Variants in PEX5L observed in about 807,000 individuals in gnomAD.
PEX5L encodes the protein PEX5-related protein.
A neutral mutation model predicts 84.0 loss-of-function variants in PEX5L; 30 were observed. That is an observed-to-expected ratio of 0.36 (90% CI 0.27 to 0.48). PEX5L has a LOEUF of 0.48. PEX5L is among the 20% of genes least tolerant of loss of function. PEX5L has a pLI of 0.99. For missense variants in PEX5L, 533 were observed against 754.6 expected, an observed-to-expected ratio of 0.71 and a Z score of 3.44; for synonymous variants, 270 against 283.1, an observed-to-expected ratio of 0.95 and a Z score of 0.46.
At chr3:179,939,062 T>C (rs1775370733) in intron 2 of PEX5L, among the ~76,000 whole-genome samples, 1 of 152,204 alleles carries the variant, frequency 6.6e-6, no homozygotes, top group Non-Finnish European at 1.5e-5. Flanking sequence ...CTGCTGAAAC[T>C]CTGCCTCACA....
chr3:180,033,623 T>G (rs567339746), intron 1 of PEX5L, among the ~76,000 whole-genome samples: 1 of 152,324 alleles, frequency 6.6e-6, no homozygotes, highest in South Asian at 2.1e-4. Context: ...ATTGGTGGAA[T>G]TAAGACCATA....
intron 8 of PEX5L, among the ~76,000 whole-genome samples, chr3:179,843,264 C>A (rs757669679): frequency 6.6e-6 from 1 of 152,194 alleles, no homozygotes; most frequent in Non-Finnish European, 1.5e-5. Flanking sequence ...CACATCAAAT[C>A]ACCTGAAGAT....
intron 4 of PEX5L, among the ~76,000 whole-genome samples, chr3:179,882,486 C>G (rs575203568): frequency 6.6e-6 from 1 of 152,298 alleles, no homozygotes; most frequent in South Asian, 2.1e-4. Context: ...TAATTGGTTA[C>G]CCAGCTGATG....
intron 1 of PEX5L, among the ~76,000 whole-genome samples, chr3:180,032,827 C>T (rs768627122): frequency 1.3e-5 from 2 of 152,112 alleles, no homozygotes; most frequent in African/African-American, 4.8e-5. Flanking sequence ...GCACTCTAGC[C>T]TGGGGGACAG....
chr3:179,898,008 A>G (rs1381858736), intron 3 of PEX5L, 134 bp downstream of exon 3: 4 of 504,544 alleles, frequency 7.9e-6, no homozygotes, highest in Middle Eastern at 4.4e-4. Context: ...CTATATTTGT[A>G]TAATTGTTTC....
intron 7 of PEX5L, among the ~76,000 whole-genome samples, chr3:179,860,004 C>T (rs1745444398): frequency 6.6e-6 from 1 of 151,518 alleles, no homozygotes; most frequent in Admixed American, 6.6e-5. Context: ...CATTTAAACA[C>T]ATAATGTGTA....
At chr3:179,899,945 T>A (rs1465534726) in intron 2 of PEX5L, among the ~76,000 whole-genome samples, 1 of 152,196 alleles carries the variant, frequency 6.6e-6, no homozygotes, top group Non-Finnish European at 1.5e-5. Context: ...ATTCATTGCA[T>A]AACAAATTGA....
At chr3:179,931,211 C>T (rs1354780435) in intron 2 of PEX5L, among the ~76,000 whole-genome samples, 1 of 152,182 alleles carries the variant, frequency 6.6e-6, no homozygotes, top group Non-Finnish European at 1.5e-5. Context: ...AGGCTAGAGT[C>T]GAATTGGTGC....
At chr3:179,855,699 G>A (rs561300937) in intron 8 of PEX5L, among the ~76,000 whole-genome samples, 202 of 152,284 alleles carry the variant, frequency 1.3e-3, no homozygotes, top group Non-Finnish European at 2.3e-3. Context: ...TCACGAGGGC[G>A]GGGCTGTCAT....
chr3:179,936,338 C>T (rs1197086817), intron 2 of PEX5L, among the ~76,000 whole-genome samples: 2 of 152,114 alleles, frequency 1.3e-5, no homozygotes, highest in Non-Finnish European at 2.9e-5. Flanking sequence ...CATCTATGTA[C>T]TTGAACATGT....
chr3:179,857,436 G>A (rs1367983278), intron 8 of PEX5L, among the ~76,000 whole-genome samples: 1 of 152,160 alleles, frequency 6.6e-6, no homozygotes, highest in African/African-American at 2.4e-5. Flanking sequence ...GCCCCTAATT[G>A]GAAGTGTTCA....
In PEX5L at chr3:180,036,937, T is replaced by C. The variant is rs1044847940; in HGVS notation, c.-338A>G. 1.5e-5 allele frequency: 5 copies of C among 342,224 alleles called. No individual in the cohort carries two copies. In the South Asian group the frequency reaches 2.0e-4, roughly 13 times the overall value. 21.2% of individuals were successfully genotyped at this position (342,224 alleles called of 1,614,324 possible). A position where few individuals can be genotyped will look rare whatever the true frequency, so the allele number is the denominator to read the frequency against. Reference sequence around the variant, plus strand: ...CTTCGCCGAACTCTTTCTCGCTTCCTGCCAGGTTGCCTCATGTCTCTCTCT... The same window carrying C: ...CTTCGCCGAACTCTTTCTCGCTTCCCGCCAGGTTGCCTCATGTCTCTCTCT... On this transcript the variant is annotated 5_prime_UTR_variant, in exon 1 of 15. Coordinates refer to ENST00000467460, the MANE Select transcript of PEX5L (RefSeq NM_016559.3).
chr3:179,868,863 T>C (rs574252876), intron 7 of PEX5L, among the ~76,000 whole-genome samples: 99 of 152,000 alleles, frequency 6.5e-4, no homozygotes, highest in Non-Finnish European at 1.1e-3. Context: ...AGATGGTATA[T>C]AAGCTTCTGT....
chr3:179,895,243 C>G (rs564137082), intron 3 of PEX5L, among the ~76,000 whole-genome samples: 2 of 152,132 alleles, frequency 1.3e-5, no homozygotes, highest in South Asian at 4.2e-4. Flanking sequence ...ATAGTTTACA[C>G]TTTTTTTGAT....
chr3:180,020,191 A>G (rs575764522), intron 1 of PEX5L, among the ~76,000 whole-genome samples: 1 of 152,324 alleles, frequency 6.6e-6, no homozygotes, highest in South Asian at 2.1e-4. Flanking sequence ...GATAAATAAC[A>G]GATGATTATC....
chr3:180,007,861 C>T (rs936850881), intron 1 of PEX5L, among the ~76,000 whole-genome samples: 3 of 152,232 alleles, frequency 2.0e-5, no homozygotes, highest in Non-Finnish European at 4.4e-5. Flanking sequence ...GACCCTGGGC[C>T]TGGCCCATGA....
intron 1 of PEX5L, among the ~76,000 whole-genome samples, chr3:179,992,045 C>T (rs1038022686): frequency 6.6e-6 from 1 of 152,208 alleles, no homozygotes; most frequent in Middle Eastern, 3.4e-3. Context: ...ATCTCCTGAG[C>T]CCTACTTATG....
chr3:179,805,800 G>C (rs1721081480), intron 14 of PEX5L, among the ~76,000 whole-genome samples: 1 of 151,884 alleles, frequency 6.6e-6, no homozygotes, highest in African/African-American at 2.4e-5. Flanking sequence ...ACACCTTAAC[G>C]GAGGTGGCCA....
At chr3:179,917,196 C>G (rs959973852) in intron 2 of PEX5L, among the ~76,000 whole-genome samples, 1 of 152,084 alleles carries the variant, frequency 6.6e-6, no homozygotes, top group African/African-American at 2.4e-5. Context: ...TTCAGTGTCA[C>G]TCTCTTCCAC....
Sources: allele counts gnomAD v4.1 joint callset (sites outside exome capture counted in the v4.1 genomes callset), GRCh38; gene constraint gnomAD v4.1.1; transcripts MANE v1.5; gene names NCBI Gene and HGNC (gene_info 2026-07-23, HGNC 2026-07-21).